ZNF423: variants seen among roughly 807,000 people sequenced by gnomAD.
The protein encoded by ZNF423 is zinc finger protein 423.
In ZNF423, 12 loss-of-function variants were observed where a neutral mutation model predicts 95.8. The ratio of observed to expected loss-of-function variants is 0.13; its 90% CI spans 0.08 to 0.20. The LOEUF (loss-of-function observed/expected upper bound fraction) is 0.20, where lower values mean the gene tolerates loss of function less well. ZNF423 is among the 10% of genes least tolerant of loss of function. The probability of loss-of-function intolerance (pLI) is 1.00; values close to 1 mark genes in which losing one functional copy is unlikely to be tolerated. For synonymous variants in ZNF423, 749 were observed against 711.9 expected, an observed-to-expected ratio of 1.05 and a Z score of -0.83; for missense variants, 1,316 against 1,737.1, an observed-to-expected ratio of 0.76 and a Z score of 4.31.
chr16:49,690,057 T>C (rs1033668757), intron 3 of ZNF423, among the ~76,000 whole-genome samples: 2 of 152,160 alleles, frequency 1.3e-5, no homozygotes, highest in African/African-American at 2.4e-5. Context: ...AGGGGTGTCC[T>C]GTTCTACACA....
rs1315968368 is a variant in ZNF423 at position 49,637,632 on chromosome 16, T to C, written c.1544A>G (p.Asn515Ser). 2 of 1,613,906 alleles carry C rather than the reference T, an allele frequency of 1.2e-6. No homozygotes were observed. The highest frequency in any genetic ancestry group is 1.7e-6 in the Non-Finnish European group (2 of 1,180,004). The change falls in exon 4 of 8, where the codon AAC becomes AGC. Residue 515 changes from asparagine (N) to serine (S), a missense_variant. Transcript: ENST00000563137. The surrounding 1 kb of genome is among the most constrained non-coding windows in gnomAD (Gnocchi z 5.6). The part of the protein sequence containing the change: ...EHIRVSHCGP[N>S]ANPSDGNNAF... ...ATTATTACCGTCAGAGGGGTTGGCG[T>C]TGGGGCCGCAGTGGGAGACGCGGAT...
intron 5 of ZNF423, among the ~76,000 whole-genome samples, chr16:49,614,915 G>A (rs146265268): frequency 6.6e-6 from 1 of 152,304 alleles, no homozygotes; most frequent in African/African-American, 2.4e-5. Flanking sequence ...TGTATCACCT[G>A]AGGTCAGGAG....
intron 3 of ZNF423, among the ~76,000 whole-genome samples, chr16:49,664,689 T>G (rs566001066): frequency 6.6e-6 from 1 of 152,166 alleles, no homozygotes; most frequent in Non-Finnish European, 1.5e-5. Flanking sequence ...GGGAGCTGTC[T>G]GCGGGAAGCA....
At chr16:49,771,268 T>A (rs1044280385) in intron 2 of ZNF423, among the ~76,000 whole-genome samples, 1 of 146,942 alleles carries the variant, frequency 6.8e-6, no homozygotes, top group African/African-American at 2.5e-5. Context: ...AATGGTGTGA[T>A]CTCAGCTCAC....
Position 49,636,948 on chromosome 16 carries a change from A to C in ZNF423, c.2228T>G (p.Ile743Ser). 6.2e-7 allele frequency: 1 copy of C among 1,613,794 alleles called. No homozygotes were observed. The highest frequency in any genetic ancestry group is 8.5e-7 in the Non-Finnish European group (1 of 1,179,974). The stretch of plus-strand genomic sequence containing the variant: ...GTGCTTCACCGCCAGGTGCACCTGG[A>C]TGGACACCTTGGAGTCGAAGACCTC... The part of the protein sequence containing the change: ...CQEVFDSKVS[I>S]QVHLAVKHSN... Residue 743 changes from isoleucine (I) to serine (S), a missense_variant, in exon 4 of 8, where the codon ATC (isoleucine) becomes AGC (serine). Coordinates refer to ENST00000563137, the MANE Select transcript of ZNF423 (RefSeq NM_001379286.1). The surrounding 1 kb of genome is among the most constrained non-coding windows in gnomAD (Gnocchi z 8.6).
intron 1 of ZNF423, among the ~76,000 whole-genome samples, chr16:49,796,397 A>C (rs892314531): frequency 1.2e-3 from 184 of 152,330 alleles, no homozygotes; most frequent in African/African-American, 4.3e-3. Flanking sequence ...CTCCACCCAG[A>C]GGGCTCCCCA....
chr16:49,801,401 C>G (rs934805288), intron 1 of ZNF423, among the ~76,000 whole-genome samples: 1 of 152,220 alleles, frequency 6.6e-6, no homozygotes, highest in Non-Finnish European at 1.5e-5. Flanking sequence ...AATAGCTCAC[C>G]TGGGGGCCCA....
At chr16:49,615,161 C>CACACACACACACAT (rs1363843173) in intron 5 of ZNF423, among the ~76,000 whole-genome samples, 4 of 151,754 alleles carry the variant, frequency 2.6e-5, no homozygotes, top group African/African-American at 9.7e-5. Context: ...CACACACACA[C>CACACACACACACAT]ACACGGGGCA....
At chr16:49,749,378 T>C (rs1322574090) in intron 2 of ZNF423, among the ~76,000 whole-genome samples, 1 of 152,240 alleles carries the variant, frequency 6.6e-6, no homozygotes, top group Non-Finnish European at 1.5e-5. Context: ...ACTGCTTCTG[T>C]GTTTCTGAGT....
intron 2 of ZNF423, among the ~76,000 whole-genome samples, chr16:49,747,362 T>C (rs1245986709): frequency 6.6e-6 from 1 of 152,094 alleles, no homozygotes; most frequent in East Asian, 1.9e-4. Context: ...ACTATCTATA[T>C]GGTAAAATAT....
chr16:49,539,261 G>C (rs751961712), intron 5 of ZNF423, among the ~76,000 whole-genome samples: 1 of 152,180 alleles, frequency 6.6e-6, no homozygotes, highest in Non-Finnish European at 1.5e-5. Context: ...GTCCACAGAT[G>C]CCACTCTTCA....
At chr16:49,593,550 A>T (rs1037683698) in intron 5 of ZNF423, among the ~76,000 whole-genome samples, 1 of 151,902 alleles carries the variant, frequency 6.6e-6, no homozygotes, top group Non-Finnish European at 1.5e-5. Flanking sequence ...GTTTGCAGAG[A>T]TCTCTTTCTG....
intron 3 of ZNF423, among the ~76,000 whole-genome samples, chr16:49,650,387 T>C (rs1235288760): frequency 3.3e-5 from 5 of 152,246 alleles, no homozygotes; most frequent in Admixed American, 2.0e-4. Context: ...ACAAAGTGGT[T>C]AATGTTTACA....
At chr16:49,760,038 TG>T (rs1357769914) in intron 2 of ZNF423, among the ~76,000 whole-genome samples, 1 of 12,886 alleles carries the variant, frequency 7.8e-5, no homozygotes, top group African/African-American at 3.2e-4. Context: ...GTGGGTGGGG[TG>T]GGTAGATGGA....
At chr16:49,835,565 C>T (rs1415887165) in intron 1 of ZNF423, among the ~76,000 whole-genome samples, 10 of 152,222 alleles carry the variant, frequency 6.6e-5, no homozygotes, top group Admixed American at 6.5e-4. Flanking sequence ...CGGGGAGATG[C>T]GGGCCAGTGG....
chr16:49,661,173 G>A (rs1224161231), intron 3 of ZNF423, among the ~76,000 whole-genome samples: 2 of 145,360 alleles, frequency 1.4e-5, no homozygotes, highest in South Asian at 2.2e-4. Context: ...AGCCGAGATC[G>A]CACCATTGCA....
rs1967006948 is a variant in ZNF423 at position 49,492,432 on chromosome 16, A to C, written c.3850-1128T>G. 6.6e-6 allele frequency among the ~76,000 whole-genome samples: 1 copy of C among 152,132 alleles called. No individual in the cohort carries two copies. Among genetic ancestry groups the C allele is most frequent in the South Asian group, 2.1e-4 (1 of 4,834 alleles). On this transcript the variant is annotated intron_variant, in intron 7 of 7. Coordinates refer to ENST00000563137, the MANE Select transcript of ZNF423 (RefSeq NM_001379286.1). The surrounding 1 kb of genome is among the most constrained non-coding windows in gnomAD (Gnocchi z 4.2). ...CTCTCCTGGGCTCGGGTCCGCGGCGAGGGCGACCAGGTGATGCCAGTAGCC... is the reference window on the plus strand; with the variant it reads ...CTCTCCTGGGCTCGGGTCCGCGGCGCGGGCGACCAGGTGATGCCAGTAGCC...
intron 5 of ZNF423, among the ~76,000 whole-genome samples, chr16:49,541,271 C>A (rs1969235571): frequency 6.6e-6 from 1 of 152,210 alleles, no homozygotes; most frequent in Non-Finnish European, 1.5e-5. Flanking sequence ...TAGAGACAAA[C>A]AACATTTAGT....
At position 49,635,899 on chromosome 16, in the gene ZNF423, T is replaced by C. The variant is rs1239902492; in HGVS notation, c.3277A>G (p.Asn1093Asp). 2 of 1,582,078 alleles carry C rather than the reference T, an allele frequency of 1.3e-6. No homozygotes were observed. The highest frequency in any genetic ancestry group is 1.7e-6 in the Non-Finnish European group (2 of 1,164,860). Residue 1093 changes from asparagine (N) to aspartate (D), a missense_variant, in exon 4 of 8, where the codon AAT becomes GAT. Asn to Asp is a conservative substitution (Grantham distance 23). Around this residue, in one of 6 missense-constraint regions of ZNF423, gnomAD observed 620 missense variants for 775.6 expected, o/e 0.80. Transcript: ENST00000563137. This position sits in a 1 kb window ranked among gnomAD's most constrained non-coding sequence, Gnocchi z 4.8. ...SKQDLVKLDV[N>D]GLPYGLCAGC... The stretch of plus-strand genomic sequence containing the variant: ...GCGCAGAGGCCGTAGGGCAGCCCAT[T>C]GACGTCAAGCTTCACCAGGTCCTGC...
Sources: allele counts gnomAD v4.1 joint callset (sites outside exome capture counted in the v4.1 genomes callset), GRCh38; gene constraint gnomAD v4.1.1; regional missense constraint gnomAD v4.1.1; non-coding constraint Gnocchi (gnomAD v3.1); transcripts MANE v1.5; gene names NCBI Gene and HGNC (gene_info 2026-07-23, HGNC 2026-07-21).